PCDHA3: variants seen among roughly 807,000 people sequenced by gnomAD.
PCDHA3 encodes protocadherin alpha-3.
In PCDHA3, 41 loss-of-function variants were observed where a neutral mutation model predicts 62.2. The observed-to-expected ratio is 0.66, with a 90% CI of 0.51 to 0.86. The LOEUF (loss-of-function observed/expected upper bound fraction) is 0.86, where lower values mean the gene tolerates loss of function less well. Among genes scored for constraint, PCDHA3 ranks in the 40% least tolerant of loss-of-function variants. PCDHA3 has a pLI of 0.00. For synonymous variants in PCDHA3, 640 were observed against 555.4 expected, an observed-to-expected ratio of 1.15 and a Z score of -2.14; for missense variants, 1,304 against 1,241.2, an observed-to-expected ratio of 1.05 and a Z score of -0.76.
At chr5:140,809,711 T>C in intron 1 of PCDHA3, 1 of 1,041,988 alleles carries the variant, frequency 9.6e-7, no homozygotes, top group Non-Finnish European at 1.4e-6. Flanking sequence ...CTAAAGTCTT[T>C]TGGAATTATA....
At chr5:140,807,792 G>A (rs1554124276) in intron 1 of PCDHA3, 1 of 1,614,178 alleles carries the variant, frequency 6.2e-7, no homozygotes, top group Admixed American at 1.7e-5. Context: ...TCTTTAGACA[G>A]AGAAGAAGCT....
chr5:140,863,670 C>A (rs2048115377), intron 1 of PCDHA3: 1 of 292,680 alleles, frequency 3.4e-6, no homozygotes, highest in Admixed American at 4.6e-5. Context: ...ATTTATTTTG[C>A]TTTTGCTTTT....
chr5:140,834,172 G>A (rs114972611), intron 1 of PCDHA3: 2 of 551,148 alleles, frequency 3.6e-6, no homozygotes, highest in Non-Finnish European at 6.4e-6. Flanking sequence ...TTACTTACAT[G>A]ATGGCCACAT....
At chr5:140,938,805 A>G (rs367644327) in intron 1 of PCDHA3, among the ~76,000 whole-genome samples, 3 of 152,162 alleles carry the variant, frequency 2.0e-5, no homozygotes, top group East Asian at 3.9e-4. Context: ...TCGGTACCAC[A>G]AACCCCTGTG....
At chr5:140,918,313 T>C (rs1406314903) in intron 1 of PCDHA3, among the ~76,000 whole-genome samples, 3 of 152,146 alleles carry the variant, frequency 2.0e-5, no homozygotes, top group African/African-American at 7.2e-5. Context: ...GTTTTCTAGG[T>C]ATAAAATTAT....
intron 1 of PCDHA3, among the ~76,000 whole-genome samples, chr5:140,944,008 C>T (rs1253527034): frequency 1.3e-5 from 2 of 152,054 alleles, no homozygotes; most frequent in Non-Finnish European, 2.9e-5. Context: ...GAGTACCCCC[C>T]AAAAGCAATT....
intron 1 of PCDHA3, chr5:140,849,371 G>C: frequency 6.7e-7 from 1 of 1,495,460 alleles, no homozygotes. Flanking sequence ...TAAAATCCAA[G>C]TTCCACATGG....
chr5:140,840,271 T>A (rs2150305298), intron 1 of PCDHA3, among the ~76,000 whole-genome samples: 3 of 152,098 alleles, frequency 2.0e-5, no homozygotes, highest in Non-Finnish European at 4.4e-5. Flanking sequence ...TTTTAATGAT[T>A]TGGGTTTTGG....
In PCDHA3 at chr5:140,803,162, T is replaced by C. The variant is rs782318997; in HGVS notation, c.1965T>C (p.Gly655=). The C allele has an allele frequency of 6.2e-7, 1 of 1,613,856 alleles. No individual in the cohort carries two copies. The highest frequency in any genetic ancestry group is 8.5e-7 in the Non-Finnish European group (1 of 1,179,930). Residue 655 remains glycine, a synonymous_variant, in exon 1 of 4, where the codon GGT becomes GGC. Transcript: ENST00000522353. ...TACTGGTGCTGGTGAAGGACCACGG[T>C]GAACCCTCATTGACCGCCACGGCCA... is the stretch of plus-strand genomic sequence containing the variant. The part of the protein sequence containing the change: ...HRLLVLVKDH[G]EPSLTATATV...
rs1210767626 is a variant in PCDHA3 at position 141,010,197 on chromosome 5, C to T, written c.*260C>T. 1 of 1,552,200 alleles carries T rather than the reference C, an allele frequency of 6.4e-7. No homozygotes were observed. The highest frequency in any genetic ancestry group is 1.2e-5 in the South Asian group (1 of 84,134). On this transcript the variant is annotated 3_prime_UTR_variant, in exon 4 of 4. Coordinates refer to ENST00000522353, the MANE Select transcript of PCDHA3 (RefSeq NM_018906.3). ...AAAAGCAGACCCAAGTTTCCTTTCT[C>T]CTCCGCCGCAAAGGAGAGGCTTCCC...
chr5:140,926,929 G>T, intron 1 of PCDHA3: 2 of 1,575,722 alleles, frequency 1.3e-6, no homozygotes, highest in South Asian at 2.3e-5. Flanking sequence ...ATGTTTGTGG[G>T]TTTCCTGCGG....
At chr5:140,823,501 G>A (rs1554129384) in intron 1 of PCDHA3, 3 of 1,613,246 alleles carry the variant, frequency 1.9e-6, no homozygotes, top group African/African-American at 1.3e-5. Context: ...CGGCGGCGCA[G>A]TGAGCGAGCT....
At chr5:140,857,705 T>C in intron 1 of PCDHA3, 1 of 1,597,138 alleles carries the variant, frequency 6.3e-7, no homozygotes, top group Non-Finnish European at 8.6e-7. Flanking sequence ...GCTGCAGGTG[T>C]TCGTGCTGGA....
At chr5:140,978,491 C>T (rs550205477) in intron 1 of PCDHA3, among the ~76,000 whole-genome samples, 2 of 152,354 alleles carry the variant, frequency 1.3e-5, no homozygotes, top group African/African-American at 4.8e-5. Flanking sequence ...GCAAAGCCAG[C>T]AGCAGATTGC....
chr5:140,857,572 G>A lies in PCDHA3; in HGVS notation c.2394+53981G>A, dbSNP rs144978636. ...AGCGCTCGCTGTCGAGCTACGTGTCGGTGCACGCGGAGAGCGGCAAGGTGT... is the reference window on the plus strand; with the variant it reads ...AGCGCTCGCTGTCGAGCTACGTGTCAGTGCACGCGGAGAGCGGCAAGGTGT... On this transcript the variant is annotated intron_variant, in intron 1 of 3. Transcript: ENST00000522353. 1.4e-3 allele frequency: 2,186 copies of A among 1,596,706 alleles called. 111 individuals are homozygous for A. In the African/African-American group the frequency reaches 0.025, roughly 18 times the overall value.
intron 1 of PCDHA3, among the ~76,000 whole-genome samples, chr5:140,897,257 T>C (rs1554187284): frequency 6.6e-6 from 1 of 151,916 alleles, no homozygotes; most frequent in Non-Finnish European, 1.5e-5. Context: ...TATGTATACA[T>C]GTGCCATGCT....
chr5:140,882,204 G>T, intron 1 of PCDHA3: 1 of 1,530,664 alleles, frequency 6.5e-7, no homozygotes. Flanking sequence ...ATTGGGCCTT[G>T]AGAGACAGTT....
At chr5:140,966,914 G>A in intron 1 of PCDHA3, 1 of 1,602,270 alleles carries the variant, frequency 6.2e-7, no homozygotes, top group Non-Finnish European at 8.5e-7. Context: ...CTCTGTGCCA[G>A]AGGAGCAGGC....
rs147028446 is a variant in PCDHA3 at position 140,830,275 on chromosome 5, C to G, written c.2394+26684C>G. 962 of 1,613,698 alleles carry G rather than the reference C, an allele frequency of 6.0e-4. 1 individual carries two copies. The highest frequency in any genetic ancestry group is 7.3e-4 in the Non-Finnish European group (864 of 1,179,866). ...CGCTGCGGTGCTCGGCGCCACCCAC[C>G]GAGGGCGCGTGCACGGCGGACAAGC... On this transcript the variant is annotated intron_variant, in intron 1 of 3. Transcript: ENST00000522353.
Sources: gnomAD v4.1 joint callset for allele counts (sites outside exome capture counted in the v4.1 genomes callset) on GRCh38, gnomAD v4.1.1 for gene constraint, MANE v1.5 for transcripts, NCBI Gene and HGNC (gene_info 2026-07-23, HGNC 2026-07-21) for gene names.